WNT7A: variants seen among roughly 807,000 people sequenced by gnomAD.
The protein encoded by WNT7A is Wnt family member 7A, also known as protein Wnt-7a.
WNT7A carries 16 observed loss-of-function variants against 28.2 expected under a neutral mutation model. That is an observed-to-expected ratio of 0.57 (90% CI 0.38 to 0.86). WNT7A has a LOEUF of 0.86. WNT7A is among the 40% of genes least tolerant of loss of function. The pLI, the probability that WNT7A is intolerant of heterozygous loss-of-function variation, is 0.00. For synonymous variants in WNT7A, 190 were observed against 195.9 expected, an observed-to-expected ratio of 0.97 and a Z score of 0.25; for missense variants, 411 against 489.7, an observed-to-expected ratio of 0.84 and a Z score of 1.52.
intron 3 of WNT7A, among the ~76,000 whole-genome samples, chr3:13,849,459 C>A (rs139555623): frequency 0.011 from 1,667 of 152,286 alleles, 34 homozygotes; most frequent in African/African-American, 0.037. Flanking sequence ...TCCTGGAAAT[C>A]CCCCCAAGAC....
At position 13,818,908 on chromosome 3, in the gene WNT7A, C is replaced by T. The variant is rs1403467081; in HGVS notation, c.*36G>A. ...GAAACGGTCCAGTCCTCCCAGCAAT[C>T]TGACTTGCAGCGGGAGGGTGGTGTG... On this transcript the variant is annotated 3_prime_UTR_variant, in exon 4 of 4. Transcript: ENST00000285018. The T allele has an allele frequency of 6.5e-7, 1 of 1,542,572 alleles. No homozygotes were observed. Among genetic ancestry groups the T allele is most frequent in the Admixed American group, 1.8e-5 (1 of 54,372 alleles).
intron 1 of WNT7A, among the ~76,000 whole-genome samples, chr3:13,878,994 G>T (rs1575077921): frequency 6.6e-6 from 1 of 152,264 alleles, no homozygotes; most frequent in African/African-American, 2.4e-5. Context: ...CTGCTCGCGC[G>T]CCCGGCCGCC....
At chr3:13,836,688 C>G in intron 3 of WNT7A, among the ~76,000 whole-genome samples, 1 of 152,130 alleles carries the variant, frequency 6.6e-6, no homozygotes, top group Non-Finnish European at 1.5e-5. Flanking sequence ...ACAACCAGAC[C>G]GGTAGAAGGA....
At chr3:13,833,432 C>T (rs1417223786) in intron 3 of WNT7A, among the ~76,000 whole-genome samples, 1 of 152,202 alleles carries the variant, frequency 6.6e-6, no homozygotes, top group African/African-American at 2.4e-5. Context: ...CAGATGGACC[C>T]ACTGCACACT....
At chr3:13,843,437 A>T (rs548173581) in intron 3 of WNT7A, among the ~76,000 whole-genome samples, 4 of 152,164 alleles carry the variant, frequency 2.6e-5, no homozygotes, top group African/African-American at 9.7e-5. Context: ...GCCCAAGGGC[A>T]CACAGCAAAC....
chr3:13,851,880 G>A (rs769238144), intron 3 of WNT7A, among the ~76,000 whole-genome samples: 16 of 152,170 alleles, frequency 1.1e-4, no homozygotes, highest in Non-Finnish European at 1.5e-4. Flanking sequence ...AAGTACAAAG[G>A]CCCCGAAATG....
At chr3:13,828,865 G>T (rs1168239746) in intron 3 of WNT7A, among the ~76,000 whole-genome samples, 1 of 152,192 alleles carries the variant, frequency 6.6e-6, no homozygotes, top group Non-Finnish European at 1.5e-5. Context: ...TGAAGCAGAA[G>T]GGCAGGCACT....
intron 3 of WNT7A, among the ~76,000 whole-genome samples, chr3:13,837,031 A>G (rs991907066): frequency 6.6e-6 from 1 of 152,128 alleles, no homozygotes; most frequent in Non-Finnish European, 1.5e-5. Flanking sequence ...AGCCCAGCAC[A>G]CTGCAGGGCA....
At chr3:13,862,253 G>A (rs1005536612) in intron 2 of WNT7A, among the ~76,000 whole-genome samples, 3 of 152,202 alleles carry the variant, frequency 2.0e-5, no homozygotes, top group South Asian at 2.1e-4. Context: ...CCCAGCTGAC[G>A]CCCTCTGTGG....
At chr3:13,865,965 G>A (rs1694904360) in intron 2 of WNT7A, among the ~76,000 whole-genome samples, 1 of 152,238 alleles carries the variant, frequency 6.6e-6, no homozygotes, top group Non-Finnish European at 1.5e-5. Context: ...GCCCTGTCAG[G>A]GAAGGGTGGA....
chr3:13,824,218 A>G (rs1694159534), intron 3 of WNT7A, among the ~76,000 whole-genome samples: 1 of 152,120 alleles, frequency 6.6e-6, no homozygotes, highest in Non-Finnish European at 1.5e-5. Flanking sequence ...TCACCCCACA[A>G]AAGAAACTCC....
chr3:13,820,140 A>G (rs1694084949), intron 3 of WNT7A, among the ~76,000 whole-genome samples: 1 of 152,168 alleles, frequency 6.6e-6, no homozygotes, highest in African/African-American at 2.4e-5. Flanking sequence ...ATCCTAAGTC[A>G]TGAATTGAGC....
intron 3 of WNT7A, among the ~76,000 whole-genome samples, chr3:13,853,534 C>T (rs1450132376): frequency 6.6e-6 from 1 of 152,202 alleles, no homozygotes; most frequent in Admixed American, 6.5e-5. Flanking sequence ...TGGCTGCTTC[C>T]ACCTCCTTTC....
chr3:13,873,416 A>G (rs369744202), intron 2 of WNT7A, among the ~76,000 whole-genome samples: 2 of 152,136 alleles, frequency 1.3e-5, no homozygotes, highest in East Asian at 3.9e-4. Context: ...TATGGATTCA[A>G]CTAGAGACCT....
chr3:13,830,679 C>T (rs1259075054), intron 3 of WNT7A, among the ~76,000 whole-genome samples: 4 of 152,188 alleles, frequency 2.6e-5, no homozygotes, highest in South Asian at 4.1e-4. Flanking sequence ...CTGTCTCCCT[C>T]TGCCTAGAAC....
intron 2 of WNT7A, among the ~76,000 whole-genome samples, chr3:13,859,992 T>A (rs1302802502): frequency 6.6e-6 from 1 of 150,622 alleles, no homozygotes; most frequent in Non-Finnish European, 1.5e-5. Flanking sequence ...ATAGCCCATC[T>A]CCTAGCCCAT....
intron 3 of WNT7A, among the ~76,000 whole-genome samples, chr3:13,852,099 C>G (rs143140187): frequency 0.011 from 1,667 of 152,338 alleles, 34 homozygotes; most frequent in African/African-American, 0.037. Context: ...GGCAGGACGC[C>G]CCTGCAGCAT....
rs772482211 is a variant in WNT7A, at chr3:13,879,713, AAC to A, written c.71+31_71+32del. ...CCCCGGGCCGTGCCAACTTTGTCGA[AAC>A]ACGCGCGGAAAGGGCGCAGGCAGCC... is the stretch of plus-strand genomic sequence containing the variant. On this transcript the variant is annotated intron_variant, in intron 1 of 3. Coordinates refer to ENST00000285018, the MANE Select transcript of WNT7A (RefSeq NM_004625.4). The A allele has an allele frequency of 6.2e-6, 10 of 1,608,444 alleles. No homozygotes were observed. The African/African-American group carries it at 6.7e-5, about 11-fold the overall frequency.
At chr3:13,843,352 C>T (rs1694492389) in intron 3 of WNT7A, among the ~76,000 whole-genome samples, 1 of 152,224 alleles carries the variant, frequency 6.6e-6, no homozygotes, top group Admixed American at 6.5e-5. Flanking sequence ...ATGCAATCTG[C>T]ACAACAGCTC....
Sources: gnomAD v4.1 joint callset for allele counts (sites outside exome capture counted in the v4.1 genomes callset) on GRCh38, gnomAD v4.1.1 for gene constraint, MANE v1.5 for transcripts, NCBI Gene and HGNC (gene_info 2026-07-23, HGNC 2026-07-21) for gene names.